The following BCAS3 variants were observed in gnomAD, a reference collection of about 807,000 sequenced individuals.
BCAS3 encodes BCAS4/BCAS3 fusion.
BCAS3 carries 53 observed loss-of-function variants against 116.1 expected under a neutral mutation model. The observed-to-expected ratio is 0.46, with a 90% CI of 0.37 to 0.57. The LOEUF is 0.57. Among genes scored for constraint, BCAS3 ranks in the 20% least tolerant of loss-of-function variants. The pLI, the probability that BCAS3 is intolerant of heterozygous loss-of-function variation, is 0.00. For missense variants in BCAS3, 917 were observed against 1,165.4 expected (o/e 0.79, Z 3.10); for synonymous variants, 391 against 408.2 (o/e 0.96, Z 0.51).
Position 61,020,358 on chromosome 17 carries a change from T to TTAC in BCAS3, c.1637+4458_1637+4460dup, listed in dbSNP as rs1197320090. The stretch of plus-strand genomic sequence containing the variant: ...TACAAATAGCAGAAGACAGATGTAT[T>TTAC]TACACCTTCTTGTTCAGTACCTTGA... On this transcript the variant is annotated intron_variant, in intron 16 of 23. Coordinates refer to ENST00000407086, the MANE Select transcript of BCAS3 (RefSeq NM_017679.5). The surrounding 1 kb of genome is among the most constrained non-coding windows in gnomAD (Gnocchi z 4.5). Among the ~76,000 whole-genome samples, 1 of 152,234 alleles carries TTAC rather than the reference T, an allele frequency of 6.6e-6. No homozygotes were observed. The highest frequency in any genetic ancestry group is 6.5e-5 in the Admixed American group (1 of 15,284).
intron 5 of BCAS3, among the ~76,000 whole-genome samples, chr17:60,738,954 TC>T (rs1040992153): frequency 2.0e-5 from 3 of 152,158 alleles, no homozygotes; most frequent in Admixed American, 2.0e-4. Context: ...TTTTTATCTT[TC>T]ATACTTTTGC....
intron 14 of BCAS3, among the ~76,000 whole-genome samples, chr17:60,951,880 C>T (rs1044564100): frequency 6.6e-6 from 1 of 150,832 alleles, no homozygotes. Context: ...AAACAGTTCT[C>T]CTGCCTCAGC....
At chr17:61,274,485 C>G (rs556421397) in intron 22 of BCAS3, among the ~76,000 whole-genome samples, 35 of 152,008 alleles carry the variant, frequency 2.3e-4, no homozygotes, top group Admixed American at 2.0e-3. Flanking sequence ...GATGGGGTTT[C>G]ACCATGTTGG....
rs1256415967 is a variant in BCAS3, at chr17:61,344,740, A to G, written c.2426-23587A>G. ...TGAAAGGAAGGAGGTTGTTGGAGGG[A>G]CTGAGGGAGGTTCATCATGGCTTAC... On this transcript the variant is annotated intron_variant, in intron 22 of 23. Coordinates refer to ENST00000407086, the MANE Select transcript of BCAS3 (RefSeq NM_017679.5). This position sits in a 1 kb window ranked among gnomAD's most constrained non-coding sequence, Gnocchi z 4.1. Among the ~76,000 whole-genome samples the G allele has an allele frequency of 6.6e-6, 1 of 152,064 alleles. No individual in the cohort carries two copies. The highest frequency in any genetic ancestry group is 1.9e-4 in the East Asian group (1 of 5,188).
At chr17:61,036,791 T>A (rs924110656) in intron 17 of BCAS3, among the ~76,000 whole-genome samples, 4 of 152,228 alleles carry the variant, frequency 2.6e-5, no homozygotes. Context: ...ATTCAGCACC[T>A]AACTTCTCAA....
chr17:60,892,857 G>A (rs1333603306), intron 10 of BCAS3, among the ~76,000 whole-genome samples: 2 of 152,092 alleles, frequency 1.3e-5, no homozygotes, highest in African/African-American at 2.4e-5. Context: ...GGGAGGTGGA[G>A]GTTGCGGTGA....
At chr17:61,016,252 C>G (rs947978157) in intron 16 of BCAS3, among the ~76,000 whole-genome samples, 13 of 152,158 alleles carry the variant, frequency 8.5e-5, no homozygotes, top group African/African-American at 3.1e-4. Context: ...AAATGACTCC[C>G]AAATTTTGAC....
rs1254887866 is a variant in BCAS3, at chr17:61,198,365, C to G, written c.2425+113801C>G. Among the ~76,000 whole-genome samples the G allele has an allele frequency of 6.6e-6, 1 of 152,114 alleles. No homozygotes were observed. The highest frequency in any genetic ancestry group is 1.5e-5 in the Non-Finnish European group (1 of 68,022). On this transcript the variant is annotated intron_variant, in intron 22 of 23. Transcript: ENST00000407086. This position sits in a 1 kb window ranked among gnomAD's most constrained non-coding sequence, Gnocchi z 5.0. ...CCGTGTTAGCCAGGATGTTCTCGAT[C>G]TCCTGACCTCGTGATCCACCCGCCT...
intron 11 of BCAS3, among the ~76,000 whole-genome samples, chr17:60,903,722 C>T (rs779517253): frequency 5.3e-5 from 8 of 152,158 alleles, no homozygotes; most frequent in Non-Finnish European, 8.8e-5. Context: ...TGTGCATCAC[C>T]GCACCCAGCA....
intron 14 of BCAS3, among the ~76,000 whole-genome samples, chr17:60,975,459 A>G (rs1024537402): frequency 2.0e-5 from 3 of 152,242 alleles, no homozygotes; most frequent in African/African-American, 7.2e-5. Flanking sequence ...AAGAAACCAC[A>G]AACTATAAAA....
chr17:60,806,247 G>T (rs1029067661), intron 6 of BCAS3, among the ~76,000 whole-genome samples: 2 of 152,104 alleles, frequency 1.3e-5, no homozygotes, highest in Admixed American at 1.3e-4. Context: ...GAAGATAAGG[G>T]CTAGTTTAAC....
chr17:61,212,866 C>T (rs2081546699), intron 22 of BCAS3, among the ~76,000 whole-genome samples: 1 of 152,152 alleles, frequency 6.6e-6, no homozygotes, highest in Admixed American at 6.5e-5. Flanking sequence ...TGGTTAGCAT[C>T]GTTCCTGTGG....
chr17:60,797,714 T>C (rs898695088), intron 6 of BCAS3, among the ~76,000 whole-genome samples: 3 of 152,074 alleles, frequency 2.0e-5, no homozygotes, highest in Non-Finnish European at 4.4e-5. Flanking sequence ...CCCTGGTGTA[T>C]GATGTTCTTC....
chr17:61,097,102 C>T lies in BCAS3; in HGVS notation c.2425+12538C>T, dbSNP rs966332883. Reference sequence around the variant, plus strand: ...AAACACAAAGAAAACCATACGTAGACATATTATAATCAAACTGTTCAGATC... The same window carrying T: ...AAACACAAAGAAAACCATACGTAGATATATTATAATCAAACTGTTCAGATC... On this transcript the variant is annotated intron_variant, in intron 22 of 23. Transcript: ENST00000407086. This position sits in a 1 kb window ranked among gnomAD's most constrained non-coding sequence, Gnocchi z 4.0. Among the ~76,000 whole-genome samples, 1 of 152,168 alleles carries T rather than the reference C, an allele frequency of 6.6e-6. No individual in the cohort carries two copies. Among genetic ancestry groups the T allele is most frequent in the Non-Finnish European group, 1.5e-5 (1 of 68,038 alleles).
At chr17:61,295,781 G>A (rs1350936500) in intron 22 of BCAS3, among the ~76,000 whole-genome samples, 6 of 149,264 alleles carry the variant, frequency 4.0e-5, no homozygotes, top group African/African-American at 9.9e-5. Flanking sequence ...TGAAACCCCC[G>A]TCTCTACTAA....
At chr17:61,335,242 C>A (rs955598775) in intron 22 of BCAS3, among the ~76,000 whole-genome samples, 2 of 152,224 alleles carry the variant, frequency 1.3e-5, no homozygotes, top group African/African-American at 4.8e-5. Flanking sequence ...GCGATTCCTT[C>A]CCAGGGCTAG....
intron 22 of BCAS3, among the ~76,000 whole-genome samples, chr17:61,232,402 G>C (rs1318660203): frequency 7.2e-6 from 1 of 139,138 alleles, no homozygotes; most frequent in Non-Finnish European, 1.6e-5. Flanking sequence ...AAAAAAAGGT[G>C]GGGGGTGGGG....
intron 22 of BCAS3, among the ~76,000 whole-genome samples, chr17:61,298,588 A>G (rs993294089): frequency 6.6e-6 from 1 of 152,156 alleles, no homozygotes; most frequent in African/African-American, 2.4e-5. Flanking sequence ...TGCCCTGAGA[A>G]TAATGATGAG....
Position 61,028,291 on chromosome 17 carries a change from T to C in BCAS3, c.1638-6375T>C, listed in dbSNP as rs535052388. ...AATTTTCCTCCTTGAAAATTATAAT[T>C]AGACACAGTTTGCAAAACTATTCTA... On this transcript the variant is annotated intron_variant, in intron 16 of 23. Coordinates refer to ENST00000407086, the MANE Select transcript of BCAS3 (RefSeq NM_017679.5). This position sits in a 1 kb window ranked among gnomAD's most constrained non-coding sequence, Gnocchi z 4.3. 6.6e-6 allele frequency among the ~76,000 whole-genome samples: 1 copy of C among 151,972 alleles called. No individual in the cohort carries two copies. The highest frequency in any genetic ancestry group is 1.9e-4 in the East Asian group (1 of 5,188).
Sources: gnomAD v4.1 joint callset for allele counts (sites outside exome capture counted in the v4.1 genomes callset) on GRCh38, gnomAD v4.1.1 for gene constraint, Gnocchi (gnomAD v3.1) non-coding constraint, MANE v1.5 for transcripts, NCBI Gene and HGNC (gene_info 2026-07-23, HGNC 2026-07-21) for gene names.